Variants in NBAS observed in about 807,000 individuals in gnomAD.
NBAS encodes the protein NBAS subunit of NRZ tethering complex.
A neutral mutation model predicts 302.5 loss-of-function variants in NBAS; 219 were observed. That is an observed-to-expected ratio of 0.72 (90% CI 0.65 to 0.81). NBAS has a LOEUF of 0.81. Ranked by LOEUF, NBAS falls within the 30% of genes least tolerant of loss-of-function variation. NBAS has a pLI of 0.00. For synonymous variants in NBAS, 1,118 were observed against 1,021.6 expected (o/e 1.09, Z -1.80); for missense variants, 2,932 against 2,841.6 (o/e 1.03, Z -0.72).
chr2:15,459,637 G>A (rs1679419871), intron 21 of NBAS, among the ~76,000 whole-genome samples: 2 of 151,642 alleles, frequency 1.3e-5, no homozygotes, highest in South Asian at 2.1e-4. Context: ...CTGCTACCAC[G>A]CCCAGCTAAT....
chr2:15,467,378 C>T lies in NBAS; in HGVS notation c.2048G>A (p.Arg683His), dbSNP rs774711181. ...KLTLEQKELC[R>H]CRRKLLTYLD... ...GTAGGTTAATAACTTCCGTCTACAA[C>T]GGCAAAGTTCCTTTTGTTCCAGTGT... The change falls in exon 19 of 52, where the codon CGT becomes CAT. Residue 683 changes from arginine (R) to histidine (H), a missense_variant. Transcript: ENST00000281513. 39 of 1,613,326 alleles carry T rather than the reference C, an allele frequency of 2.4e-5. 1 individual carries two copies. The Admixed American group carries it at 4.3e-4, about 18-fold the overall frequency.
At chr2:15,530,933 G>A (rs1188602786) in intron 9 of NBAS, among the ~76,000 whole-genome samples, 1 of 151,796 alleles carries the variant, frequency 6.6e-6, no homozygotes, top group African/African-American at 2.4e-5. Flanking sequence ...ACGACAAAAA[G>A]CAGAGAAAGA....
chr2:15,094,374 T>C, the NBAS span, among the ~76,000 whole-genome samples: 5 of 152,252 alleles, frequency 3.3e-5, no homozygotes, highest in African/African-American at 9.6e-5. Flanking sequence ...CTCCTGGTAA[T>C]AATAGTGTTT....
At chr2:15,377,655 C>T (rs1674810861) in intron 30 of NBAS, among the ~76,000 whole-genome samples, 1 of 152,172 alleles carries the variant, frequency 6.6e-6, no homozygotes, top group African/African-American at 2.4e-5. Context: ...CCTCTACACT[C>T]TGCTGCTTCT....
At chr2:14,911,732 A>G in the NBAS span, among the ~76,000 whole-genome samples, 1 of 152,228 alleles carries the variant, frequency 6.6e-6, no homozygotes, top group African/African-American at 2.4e-5. Flanking sequence ...GGTTAAGCAC[A>G]AAAATTCTGT....
chr2:15,006,699 G>A, the NBAS span, among the ~76,000 whole-genome samples: 2 of 152,106 alleles, frequency 1.3e-5, no homozygotes, highest in Non-Finnish European at 2.9e-5. Flanking sequence ...TTAAAAATAC[G>A]ATTTTTAAAA....
intron 35 of NBAS, among the ~76,000 whole-genome samples, chr2:15,340,562 C>T (rs1009596379): frequency 1.3e-5 from 2 of 151,958 alleles, no homozygotes; most frequent in Non-Finnish European, 2.9e-5. Flanking sequence ...CATTCAAGTC[C>T]GGAACTCAGA....
At chr2:15,052,944 G>A in the NBAS span, among the ~76,000 whole-genome samples, 1 of 152,186 alleles carries the variant, frequency 6.6e-6, no homozygotes, top group African/African-American at 2.4e-5. Context: ...GGGAAGAACA[G>A]TAGAAATTCA....
the NBAS span, among the ~76,000 whole-genome samples, chr2:14,843,671 G>T: frequency 3.3e-5 from 5 of 152,006 alleles, no homozygotes; most frequent in Non-Finnish European, 7.4e-5. Flanking sequence ...CTGGAAGAGG[G>T]TAGGAAAGAC....
Position 15,330,683 on chromosome 2 carries a change from G to A in NBAS, c.4262C>T (p.Thr1421Ile), listed in dbSNP as rs1437453124. 2 of 1,614,104 alleles carry A rather than the reference G, an allele frequency of 1.2e-6. No individual in the cohort carries two copies. Among genetic ancestry groups the A allele is most frequent in the Non-Finnish European group, 1.7e-6 (2 of 1,179,968 alleles). The change falls in exon 36 of 52, where the codon ACC (threonine) becomes ATC (isoleucine). Residue 1421 changes from threonine to isoleucine, a missense_variant. By Grantham distance (89) the Thr-to-Ile change is moderately conservative (BLOSUM62 -1). Transcript: ENST00000281513. ...TATTMKVLSN[T>I]TTTTKAVLQA... ...CAGCACCGCTTTGGTGGTGGTTGTG[G>A]TGTTGGAAAGGACTTTCATGGTGGT...
the NBAS span, among the ~76,000 whole-genome samples, chr2:14,817,884 C>T: frequency 1.3e-5 from 2 of 152,256 alleles, no homozygotes; most frequent in South Asian, 2.1e-4. Flanking sequence ...TGACTAGGAG[C>T]AAATTACTGA....
chr2:14,988,606 T>A, the NBAS span, among the ~76,000 whole-genome samples: 1 of 152,100 alleles, frequency 6.6e-6, no homozygotes, highest in Non-Finnish European at 1.5e-5. Context: ...AGATACCAGT[T>A]AGGTAAACAA....
chr2:15,001,753 C>T, the NBAS span, among the ~76,000 whole-genome samples: 3 of 151,566 alleles, frequency 2.0e-5, no homozygotes, highest in East Asian at 5.8e-4. Context: ...CGGATGTGTT[C>T]GGAGTTTCTT....
At chr2:14,984,823 C>A in the NBAS span, among the ~76,000 whole-genome samples, 49 of 152,172 alleles carry the variant, frequency 3.2e-4, no homozygotes, top group African/African-American at 1.1e-3. Flanking sequence ...CTTTTCCTAC[C>A]TACTTCCAAG....
At chr2:15,199,703 C>A (rs1221471804) in intron 48 of NBAS, among the ~76,000 whole-genome samples, 1 of 151,944 alleles carries the variant, frequency 6.6e-6, no homozygotes, top group East Asian at 1.9e-4. Context: ...CATTTACTGA[C>A]CTTTTTAAGA....
At chr2:15,496,328 T>C (rs1681070161) in intron 11 of NBAS, among the ~76,000 whole-genome samples, 1 of 152,062 alleles carries the variant, frequency 6.6e-6, no homozygotes, top group Non-Finnish European at 1.5e-5. Flanking sequence ...GCTGGGGAGA[T>C]GGAGTGTTGC....
At chr2:14,808,078 T>A in the NBAS span, among the ~76,000 whole-genome samples, 366 of 152,366 alleles carry the variant, frequency 2.4e-3, no homozygotes, top group African/African-American at 8.0e-3. Flanking sequence ...TTATATGCAT[T>A]TCAAAAAGAA....
the NBAS span, among the ~76,000 whole-genome samples, chr2:15,083,011 A>G: frequency 6.6e-6 from 1 of 152,226 alleles, no homozygotes; most frequent in Non-Finnish European, 1.5e-5. Flanking sequence ...TTGGGGGGTT[A>G]TTCATCCTTT....
chr2:14,857,653 C>T, the NBAS span, among the ~76,000 whole-genome samples: 1 of 152,080 alleles, frequency 6.6e-6, no homozygotes, highest in East Asian at 1.9e-4. Context: ...CTCTTTCTTG[C>T]TATATATAAA....
Sources: gnomAD v4.1 joint callset for allele counts (sites outside exome capture counted in the v4.1 genomes callset) on GRCh38, gnomAD v4.1.1 for gene constraint, MANE v1.5 for transcripts, NCBI Gene and HGNC (gene_info 2026-07-23, HGNC 2026-07-21) for gene names.